IL5RA: variants seen among roughly 807,000 people sequenced by gnomAD.
IL5RA encodes the protein interleukin 5 receptor subunit alpha, also known as interleukin-5 receptor subunit alpha.
A neutral mutation model predicts 50.0 loss-of-function variants in IL5RA; 49 were observed. The observed-to-expected ratio is 0.98, with a 90% CI of 0.78 to 1.24. IL5RA has a LOEUF of 1.24. Ranked by LOEUF, IL5RA falls within the 50% of genes most tolerant of loss-of-function variation. IL5RA has a pLI of 0.00. For synonymous variants in IL5RA, 202 were observed against 174.0 expected (o/e 1.16, Z -1.26); for missense variants, 600 against 500.4 (o/e 1.20, Z -1.90).
At position 3,074,050 on chromosome 3, in the gene IL5RA, A is replaced by G. The variant is rs17879501; in HGVS notation, c.1176+732T>C. On this transcript the variant is annotated intron_variant, in intron 11 of 11. Transcript: ENST00000446632. ...AAGGCAATTCACTGGGGAAAGGATGATTTACTCCAACAAATGATGCTGGAA... is the reference window on the plus strand; with the variant it reads ...AAGGCAATTCACTGGGGAAAGGATGGTTTACTCCAACAAATGATGCTGGAA... Among the ~76,000 whole-genome samples the G allele has an allele frequency of 3.4e-3, 514 of 152,350 alleles. 2 individuals carry two copies. Among genetic ancestry groups the G allele is most frequent in the African/African-American group, 0.012 (493 of 41,578 alleles).
At chr3:3,073,795 G>A (rs988358763) in intron 11 of IL5RA, 7 of 451,428 alleles carry the variant, frequency 1.6e-5, no homozygotes, top group East Asian at 7.0e-5. Flanking sequence ...ATTGTCAGCT[G>A]AATCTAAGAT....
At chr3:3,086,046 G>T (rs163549) in intron 9 of IL5RA, among the ~76,000 whole-genome samples, 101,018 of 151,916 alleles carry the variant, frequency 0.66, 34,148 homozygotes, top group Middle Eastern at 0.82. Context: ...AGTCAAATTT[G>T]GGCCATCAAA....
intron 11 of IL5RA, 45 bp from the exon 12 acceptor site, chr3:3,070,356 T>C: frequency 2.4e-6 from 3 of 1,266,058 alleles, no homozygotes; most frequent in South Asian, 1.3e-5. Flanking sequence ...TAGAGAACTT[T>C]TGGGTTCTTT....
chr3:3,090,287 G>A, intron 9 of IL5RA: 1 of 1,460,460 alleles, frequency 6.8e-7, no homozygotes, highest in African/African-American at 1.4e-5. Context: ...ATTTGTCTGG[G>A]GATACACAAT....
chr3:3,104,315 A>G (rs1403151951), intron 3 of IL5RA, among the ~76,000 whole-genome samples: 1 of 152,232 alleles, frequency 6.6e-6, no homozygotes, highest in African/African-American at 2.4e-5. Context: ...CTGGGATTAC[A>G]GGTGTGAGCC....
At chr3:3,109,841 ATTAT>A (rs1236530936) in intron 1 of IL5RA, 100 bp downstream of exon 1, 1 of 152,114 alleles carries the variant, frequency 6.6e-6, no homozygotes, top group African/African-American at 2.4e-5. Context: ...GTGTAGTGAA[ATTAT>A]TAGGAGGTGG....
intron 9 of IL5RA, chr3:3,090,021 T>G (rs1703022728): frequency 5.4e-6 from 3 of 559,174 alleles, no homozygotes; most frequent in Non-Finnish European, 9.5e-6. Context: ...TCAGTTAATC[T>G]GGGGTTAGAG....
At chr3:3,082,868 G>T (rs146447961) in intron 9 of IL5RA, among the ~76,000 whole-genome samples, 1 of 152,312 alleles carries the variant, frequency 6.6e-6, no homozygotes, top group African/African-American at 2.4e-5. Context: ...CTTAAATTCT[G>T]CATGTAAGTA....
At chr3:3,104,404 T>C (rs9917765) in intron 3 of IL5RA, among the ~76,000 whole-genome samples, 1 of 152,140 alleles carries the variant, frequency 6.6e-6, no homozygotes, top group Non-Finnish European at 1.5e-5. Context: ...TAGTCACATA[T>C]GGCTAGTGGC....
chr3:3,072,235 T>G (rs1702325485), intron 11 of IL5RA, among the ~76,000 whole-genome samples: 1 of 152,212 alleles, frequency 6.6e-6, no homozygotes, highest in Non-Finnish European at 1.5e-5. Context: ...ATTTAGGCCA[T>G]AGAGCCCACA....
intron 3 of IL5RA, among the ~76,000 whole-genome samples, chr3:3,104,097 G>C (rs182502383): frequency 4.2e-4 from 64 of 152,324 alleles, no homozygotes; most frequent in Non-Finnish European, 7.3e-4. Flanking sequence ...GGAGGGCAGT[G>C]TTGTGCGATC....
At chr3:3,096,427 C>T (rs1703371954) in intron 7 of IL5RA, among the ~76,000 whole-genome samples, 1 of 152,010 alleles carries the variant, frequency 6.6e-6, no homozygotes, top group Non-Finnish European at 1.5e-5. Flanking sequence ...AATGAGTGTC[C>T]TTGTCTTAGG....
chr3:3,090,474 C>G (rs1438775574), intron 9 of IL5RA, among the ~76,000 whole-genome samples: 1 of 151,894 alleles, frequency 6.6e-6, no homozygotes, highest in African/African-American at 2.4e-5. Context: ...TAACTGTTTC[C>G]TTCTCTCATA....
At chr3:3,083,981 G>A (rs1428445199) in intron 9 of IL5RA, among the ~76,000 whole-genome samples, 1 of 151,824 alleles carries the variant, frequency 6.6e-6, no homozygotes, top group Non-Finnish European at 1.5e-5. Flanking sequence ...CATGGGAGGT[G>A]GAGGGTGCAG....
At chr3:3,075,163 C>T (rs925818270) in intron 10 of IL5RA, among the ~76,000 whole-genome samples, 8 of 146,876 alleles carry the variant, frequency 5.4e-5, no homozygotes, top group Non-Finnish European at 3.0e-5. Flanking sequence ...CTGATTGAAG[C>T]ATTCCTTCCT....
chr3:3,099,525 A>G (rs948694887), intron 5 of IL5RA, among the ~76,000 whole-genome samples: 1 of 151,998 alleles, frequency 6.6e-6, no homozygotes, highest in African/African-American at 2.4e-5. Flanking sequence ...GCTACTCGGG[A>G]GGTTGAGGTG....
Position 3,092,227 on chromosome 3 carries a change from C to A in IL5RA, c.991G>T (p.Val331Leu). The A allele has an allele frequency of 5.6e-6, 9 of 1,613,020 alleles. No homozygotes were observed. Among genetic ancestry groups the A allele is most frequent in the Non-Finnish European group, 7.6e-6 (9 of 1,179,756 alleles). Reference protein sequence around the residue: ...LWSEWSQPIYVGNDEHKPLRE... With the variant: ...LWSEWSQPIYLGNDEHKPLRE... ...AAAATAAACATAAGCTACTTACCCA[C>A]ATAAATAGGTTGGCTCCACTCACTC... Residue 331 changes from valine (V) to leucine (L), a missense_variant, in exon 9 of 12, where the codon GTG (valine) becomes TTG (leucine). Transcript: ENST00000446632. This position sits in a 1 kb window ranked among gnomAD's most constrained non-coding sequence, Gnocchi z 4.2.
At chr3:3,107,062 A>T (rs1463043379) in intron 2 of IL5RA, among the ~76,000 whole-genome samples, 1 of 152,144 alleles carries the variant, frequency 6.6e-6, no homozygotes, top group Non-Finnish European at 1.5e-5. Flanking sequence ...TAGCTGCTAA[A>T]AATAGAATTG....
At chr3:3,070,376 A>T in intron 11 of IL5RA, 65 bp from the exon 12 acceptor site, 1 of 949,610 alleles carries the variant, frequency 1.1e-6, no homozygotes, top group Non-Finnish European at 1.7e-6. Context: ...TGAAATCTTT[A>T]CAATTGGCTT....
Sources: gnomAD v4.1 joint callset for allele counts (sites outside exome capture counted in the v4.1 genomes callset) on GRCh38, gnomAD v4.1.1 for gene constraint, Gnocchi (gnomAD v3.1) non-coding constraint, MANE v1.5 for transcripts, NCBI Gene and HGNC (gene_info 2026-07-23, HGNC 2026-07-21) for gene names.